The following SPRR2G variants were observed in gnomAD, a reference collection of about 807,000 sequenced individuals.
SPRR2G encodes the protein small proline-rich protein 2G.
Under a neutral mutation model 0.7 loss-of-function variants are expected in SPRR2G, and 1 was observed. The observed-to-expected ratio is 1.49, with a 90% CI of 0.53 to 7.06. SPRR2G has a LOEUF of 7.06. Among genes scored for constraint, SPRR2G ranks in the 30% most tolerant of loss-of-function variants. The pLI is 0.14. For missense variants in SPRR2G, 96 were observed against 88.5 expected (o/e 1.09, Z -0.34); for synonymous variants, 38 against 33.9 (o/e 1.12, Z -0.42).
upstream of SPRR2G, among the ~76,000 whole-genome samples, chr1:153,154,386 G>A (rs916979739): frequency 1.3e-5 from 2 of 151,940 alleles, no homozygotes; most frequent in Non-Finnish European, 2.9e-5. Flanking sequence ...TTTGGAAGTG[G>A]TCTCTCCTCA....
the SPRR2G span, among the ~76,000 whole-genome samples, chr1:153,169,286 G>A: frequency 1.5e-4 from 23 of 152,212 alleles, no homozygotes; most frequent in African/African-American, 5.3e-4. Flanking sequence ...CCTACCAGCC[G>A]GGGTCGCGGT....
the SPRR2G span, among the ~76,000 whole-genome samples, chr1:153,187,180 G>A: frequency 1.3e-5 from 2 of 151,934 alleles, 1 homozygote; most frequent in South Asian, 4.2e-4. Flanking sequence ...ATGTGTCTTG[G>A]GGTTGCTCTT....
At chr1:153,201,468 A>G in the SPRR2G span, among the ~76,000 whole-genome samples, 4 of 152,184 alleles carry the variant, frequency 2.6e-5, no homozygotes, top group African/African-American at 9.6e-5. Context: ...CCATATCTAG[A>G]TTGGTAGCTT....
chr1:153,176,595 C>T, the SPRR2G span: 2 of 152,136 alleles, frequency 1.3e-5, no homozygotes, highest in African/African-American at 4.8e-5. Context: ...CAACAGTTTA[C>T]CCTTACCTGG....
the SPRR2G span, chr1:153,174,617 C>T: frequency 1.3e-5 from 2 of 152,310 alleles, no homozygotes; most frequent in African/African-American, 4.8e-5. Context: ...GCCTCCGTCA[C>T]AGTGCGCACC....
At chr1:153,167,324 A>G in the SPRR2G span, among the ~76,000 whole-genome samples, 1 of 151,022 alleles carries the variant, frequency 6.6e-6, no homozygotes, top group Non-Finnish European at 1.5e-5. Flanking sequence ...AAAATACAAA[A>G]TTAGCCAGGC....
At chr1:153,181,263 A>C in the SPRR2G span, among the ~76,000 whole-genome samples, 1 of 152,022 alleles carries the variant, frequency 6.6e-6, no homozygotes, top group Non-Finnish European at 1.5e-5. Context: ...TGGTTGTGTA[A>C]TATATTTTTA....
chr1:153,191,506 C>G, the SPRR2G span: 5 of 152,028 alleles, frequency 3.3e-5, no homozygotes, highest in African/African-American at 1.2e-4. Flanking sequence ...AAAATTAAAA[C>G]TAGAAAATAA....
chr1:153,194,577 G>A, the SPRR2G span, among the ~76,000 whole-genome samples: 151 of 152,276 alleles, frequency 9.9e-4, 1 homozygote, highest in Middle Eastern at 3.4e-3. Context: ...TTATGTGCAG[G>A]CTTGTGCTCC....
chr1:153,178,789 A>G, the SPRR2G span, among the ~76,000 whole-genome samples: 10 of 152,266 alleles, frequency 6.6e-5, no homozygotes, highest in South Asian at 6.2e-4. Flanking sequence ...GTTAACCTGA[A>G]AAAGACTTGG....
At chr1:153,168,333 T>A in the SPRR2G span, among the ~76,000 whole-genome samples, 4 of 152,338 alleles carry the variant, frequency 2.6e-5, no homozygotes, top group East Asian at 7.7e-4. Context: ...GAACTTTCAC[T>A]GAATCTTACA....
chr1:153,182,922 ATGGTATT>A, the SPRR2G span, among the ~76,000 whole-genome samples: 156 of 152,184 alleles, frequency 1.0e-3, 1 homozygote, highest in African/African-American at 3.6e-3. Flanking sequence ...GCTGGGTCAA[ATGGTATT>A]TCTGGTTAGA....
the SPRR2G span, among the ~76,000 whole-genome samples, chr1:153,163,462 G>C: frequency 8.1e-4 from 123 of 152,294 alleles, no homozygotes; most frequent in African/African-American, 2.7e-3. Context: ...ATAGAGACTT[G>C]ACTATTTGTA....
At chr1:153,163,670 A>G in the SPRR2G span, among the ~76,000 whole-genome samples, 3 of 151,932 alleles carry the variant, frequency 2.0e-5, no homozygotes, top group Admixed American at 2.0e-4. Flanking sequence ...CTTCCTACTC[A>G]CTTTGTCCCT....
At chr1:153,161,769 A>C in the SPRR2G span, among the ~76,000 whole-genome samples, 2 of 152,230 alleles carry the variant, frequency 1.3e-5, no homozygotes, top group African/African-American at 4.8e-5. Context: ...TAGAAATCAG[A>C]TGGACAGAAA....
At chr1:153,196,984 G>A in the SPRR2G span, among the ~76,000 whole-genome samples, 2 of 152,142 alleles carry the variant, frequency 1.3e-5, no homozygotes, top group Non-Finnish European at 1.5e-5. Flanking sequence ...CTCCACAGAG[G>A]AGTCCGGTAG....
the SPRR2G span, among the ~76,000 whole-genome samples, chr1:153,192,995 A>G: frequency 6.6e-6 from 1 of 152,168 alleles, no homozygotes; most frequent in African/African-American, 2.4e-5. Context: ...GGCACACACT[A>G]GGACTAGGTT....
the SPRR2G span, among the ~76,000 whole-genome samples, chr1:153,199,443 G>A: frequency 5.3e-5 from 8 of 152,188 alleles, no homozygotes; most frequent in South Asian, 2.1e-4. Flanking sequence ...AGTTCTCCAC[G>A]GGAGAAAGGT....
At chr1:153,182,532 C>T in the SPRR2G span, among the ~76,000 whole-genome samples, 2 of 152,090 alleles carry the variant, frequency 1.3e-5, no homozygotes, top group African/African-American at 4.8e-5. Flanking sequence ...AATGCTCTCC[C>T]TCCCCTTGTA....
Sources: gnomAD v4.1 joint callset for allele counts (sites outside exome capture counted in the v4.1 genomes callset) on GRCh38, gnomAD v4.1.1 for gene constraint, MANE v1.5 for transcripts, NCBI Gene and HGNC (gene_info 2026-07-23, HGNC 2026-07-21) for gene names.